DEFB108B: variants seen among roughly 807,000 people sequenced by gnomAD.
The protein encoded by DEFB108B is beta-defensin 108B.
Under a neutral mutation model 2.4 loss-of-function variants are expected in DEFB108B, and 3 were observed. The observed-to-expected ratio is 1.25, with a 90% CI of 0.57 to 3.24. The LOEUF is 3.24. Ranked by LOEUF, DEFB108B falls within the 30% of genes most tolerant of loss-of-function variation. The probability of loss-of-function intolerance (pLI) is 0.03; values close to 1 mark genes in which losing one functional copy is unlikely to be tolerated. For missense variants in DEFB108B, 101 were observed against 87.8 expected, an observed-to-expected ratio of 1.15 and a Z score of -0.60; for synonymous variants, 25 against 28.7, an observed-to-expected ratio of 0.87 and a Z score of 0.41.
intron 1 of DEFB108B, among the ~76,000 whole-genome samples, chr11:71,833,503 T>C (rs1026725798): frequency 1.3e-5 from 2 of 152,220 alleles, no homozygotes; most frequent in African/African-American, 4.8e-5. Context: ...GCAAGTTTAC[T>C]AGCAGTTACT....
Position 71,834,324 on chromosome 11 carries a change from T to C in DEFB108B, c.58+1067T>C, listed in dbSNP as rs539291734. ...TATCCTTGTGGCATTACTGAATTCC[T>C]AGTACTTGTTAAATAGTCACCCTGG... is the stretch of plus-strand genomic sequence containing the variant. On this transcript the variant is annotated intron_variant, in intron 1 of 1. Transcript: ENST00000328698. 5.4e-3 allele frequency among the ~76,000 whole-genome samples: 826 copies of C among 152,358 alleles called. 2 individuals carry two copies. The highest frequency in any genetic ancestry group is 8.0e-3 in the Non-Finnish European group (546 of 68,032).
At chr11:71,835,036 T>C (rs1952207141) in intron 1 of DEFB108B, among the ~76,000 whole-genome samples, 1 of 152,228 alleles carries the variant, frequency 6.6e-6, no homozygotes, top group South Asian at 2.1e-4. Context: ...TTCTTGTAAA[T>C]GAACAATGGT....
intron 1 of DEFB108B, among the ~76,000 whole-genome samples, chr11:71,835,952 G>T (rs556173193): frequency 6.6e-6 from 1 of 152,178 alleles, no homozygotes; most frequent in Non-Finnish European, 1.5e-5. Context: ...TAGAATGCAA[G>T]AAGTACTACC....
chr11:71,833,420 C>A (rs1240533919), intron 1 of DEFB108B, among the ~76,000 whole-genome samples, 163 bp downstream of exon 1: 1 of 152,210 alleles, frequency 6.6e-6, no homozygotes, highest in East Asian at 1.9e-4. Context: ...ATTAATTCTC[C>A]ATAGCAACTC....
At chr11:71,835,911 T>G (rs1341418589) in intron 1 of DEFB108B, among the ~76,000 whole-genome samples, 1 of 152,186 alleles carries the variant, frequency 6.6e-6, no homozygotes, top group East Asian at 1.9e-4. Context: ...TTATCAAGAA[T>G]TGAGGTCAGA....
At chr11:71,833,383 G>A (rs1405162207) in intron 1 of DEFB108B, 126 bp downstream of exon 1, 37 of 1,447,590 alleles carry the variant, frequency 2.6e-5, no homozygotes, top group South Asian at 4.1e-5. Context: ...AGACTCATTG[G>A]CTGAGAGGCC....
At chr11:71,834,783 C>G (rs1366597943) in intron 1 of DEFB108B, 1 of 152,250 alleles carries the variant, frequency 6.6e-6, no homozygotes, top group Admixed American at 6.5e-5. Flanking sequence ...CCATCCCTAT[C>G]ATCTGTCTCA....
In DEFB108B at chr11:71,833,270, A is replaced by G; in HGVS notation, c.58+13A>G. ...CAAGTTCTACCAGGTAACAAAATAA[A>G]CTTGGTAAGAGTAGAGTGCCTAACA... On this transcript the variant is annotated intron_variant, in intron 1 of 1. Coordinates refer to ENST00000328698, the MANE Select transcript of DEFB108B (RefSeq NM_001002035.2). 1 of 1,544,400 alleles carries G rather than the reference A, an allele frequency of 6.5e-7. No homozygotes were observed. Among genetic ancestry groups the G allele is most frequent in the Non-Finnish European group, 8.9e-7 (1 of 1,124,650 alleles).
chr11:71,833,314 C>G (rs1489874619), intron 1 of DEFB108B, 57 bp downstream of exon 1: 1 of 1,574,366 alleles, frequency 6.4e-7, no homozygotes, highest in Non-Finnish European at 8.7e-7. Flanking sequence ...GGATTCAATA[C>G]TCAAAGAGAA....
intron 1 of DEFB108B, 118 bp from the exon 2 acceptor site, chr11:71,837,280 AC>A: frequency 7.9e-7 from 1 of 1,270,470 alleles, no homozygotes; most frequent in Non-Finnish European, 1.1e-6. Context: ...ACACACACAC[AC>A]ACACACACAC....
In DEFB108B at chr11:71,837,483, G is replaced by A; in HGVS notation, c.143G>A (p.Arg48Lys). 6.2e-7 allele frequency: 1 copy of A among 1,611,984 alleles called. No homozygotes were observed. The highest frequency in any genetic ancestry group is 8.5e-7 in the Non-Finnish European group (1 of 1,179,858). The change falls in exon 2 of 2, where the codon AGA becomes AAA. Residue 48 changes from arginine to lysine, a missense_variant. Arg to Lys is a conservative substitution (Grantham distance 26). Coordinates refer to ENST00000328698, the MANE Select transcript of DEFB108B (RefSeq NM_001002035.2). ...CTTGAAACAGAAATCCATGTTGGGA[G>A]ATGTTTAAATAGCCAACCCTGCTGC... ...FCLETEIHVG[R>K]CLNSQPCCLP...
At chr11:71,834,886 A>T (rs1952206027) in intron 1 of DEFB108B, 1 of 152,194 alleles carries the variant, frequency 6.6e-6, no homozygotes, top group Admixed American at 6.5e-5. Flanking sequence ...ACAGCCTATG[A>T]TGTTCATTGT....
chr11:71,836,960 GTGTC>G (rs141857816), intron 1 of DEFB108B: 76,353 of 160,670 alleles, frequency 0.48, 19,767 homozygotes, highest in Non-Finnish European at 0.57. Context: ...GTGTGTGTGT[GTGTC>G]TGTGTGTGTA....
rs374723902 is a variant in DEFB108B at position 71,837,576 on chromosome 11, C to T, written c.*14C>T. The T allele has an allele frequency of 7.3e-5, 117 of 1,607,394 alleles. No individual in the cohort carries two copies. Among genetic ancestry groups the T allele is most frequent in the Non-Finnish European group, 9.4e-5 (111 of 1,177,424 alleles). ...AAAAAGGACTGAAGCCTGTTGTTTT[C>T]TGGAGGTTTTATGTTCTCTTTTTTC... On this transcript the variant is annotated 3_prime_UTR_variant, in exon 2 of 2. Coordinates refer to ENST00000328698, the MANE Select transcript of DEFB108B (RefSeq NM_001002035.2).
At chr11:71,834,810 T>A (rs1952205424) in intron 1 of DEFB108B, 1 of 152,226 alleles carries the variant, frequency 6.6e-6, no homozygotes, top group Non-Finnish European at 1.5e-5. Context: ...CACTGGGTGA[T>A]CTTGAGCAAG....
chr11:71,835,270 C>T (rs956957804), intron 1 of DEFB108B, among the ~76,000 whole-genome samples: 1 of 152,140 alleles, frequency 6.6e-6, no homozygotes, highest in Non-Finnish European at 1.5e-5. Flanking sequence ...CCCAATCTCT[C>T]TTGTTCCCAT....
At chr11:71,833,336 C>T in intron 1 of DEFB108B, 79 bp downstream of exon 1, 1 of 1,576,990 alleles carries the variant, frequency 6.3e-7, no homozygotes, top group Non-Finnish European at 8.6e-7. Flanking sequence ...TCACCATCAC[C>T]TATAACCAGA....
Position 71,837,408 on chromosome 11 carries a change from A to C in DEFB108B, c.68A>C (p.Lys23Thr). 1.2e-6 allele frequency: 2 copies of C among 1,611,858 alleles called. No homozygotes were observed. Among genetic ancestry groups the C allele is most frequent in the Non-Finnish European group, 1.7e-6 (2 of 1,179,746 alleles). Residue 23 changes from lysine (K) to threonine (T), a missense_variant, in exon 2 of 2, where the codon AAA (lysine) becomes ACA (threonine). Transcript: ENST00000328698. ...CCTCTTCTTCATGTAGCCAGGGGCAAATTCAAGGAGATCTGTGAACGTCCA... is the reference window on the plus strand; with the variant it reads ...CCTCTTCTTCATGTAGCCAGGGGCACATTCAAGGAGATCTGTGAACGTCCA... The part of the protein sequence containing the change: ...FMSQVLPARG[K>T]FKEICERPNG...
intron 1 of DEFB108B, 54 bp downstream of exon 1, chr11:71,833,311 A>G (rs1198281289): frequency 1.5e-5 from 24 of 1,573,404 alleles, no homozygotes; most frequent in African/African-American, 2.7e-5. Flanking sequence ...CAGGGATTCA[A>G]TACTCAAAGA....
Sources: gnomAD v4.1 joint callset for allele counts (sites outside exome capture counted in the v4.1 genomes callset) on GRCh38, gnomAD v4.1.1 for gene constraint, MANE v1.5 for transcripts, NCBI Gene and HGNC (gene_info 2026-07-23, HGNC 2026-07-21) for gene names.